Variants in CYP7B1 observed in about 807,000 individuals in gnomAD.
CYP7B1 encodes the protein cytochrome P450 family 7 subfamily B member 1, also known as cytochrome P450 7B1.
In CYP7B1, 29 loss-of-function variants were observed where a neutral mutation model predicts 42.7. The observed-to-expected ratio is 0.68, with a 90% confidence interval of 0.51 to 0.93. The LOEUF (loss-of-function observed/expected upper bound fraction) is 0.93, where lower values mean the gene tolerates loss of function less well. Ranked by LOEUF, CYP7B1 falls within the 40% of genes least tolerant of loss-of-function variation. CYP7B1 has a pLI of 0.00. For missense variants in CYP7B1, 655 were observed against 600.5 expected, an observed-to-expected ratio of 1.09 and a Z score of -0.95; for synonymous variants, 235 against 218.2, an observed-to-expected ratio of 1.08 and a Z score of -0.68.
intron 1 of CYP7B1, among the ~76,000 whole-genome samples, chr8:64,794,905 C>A (rs967066131): frequency 8.6e-5 from 13 of 152,032 alleles, no homozygotes; most frequent in Non-Finnish European, 1.9e-4. Context: ...AAAACAAAAT[C>A]CAAAATCCAG....
At chr8:64,723,376 C>G (rs766261881) in intron 1 of CYP7B1, among the ~76,000 whole-genome samples, 1 of 152,190 alleles carries the variant, frequency 6.6e-6, no homozygotes, top group Non-Finnish European at 1.5e-5. Context: ...AATAGATGTG[C>G]TATGCCACAA....
rs1805415134 is a variant in CYP7B1, at chr8:64,615,098, T to G, written c.985A>C (p.Thr329Pro). 3 of 1,613,658 alleles carry G rather than the reference T, an allele frequency of 1.9e-6. No homozygotes were observed. The highest frequency in any genetic ancestry group is 2.5e-6 in the Non-Finnish European group (3 of 1,179,804). The change falls in exon 4 of 6, where the codon ACA (threonine) becomes CCA (proline). Residue 329 changes from threonine (T) to proline (P), a missense_variant. Coordinates refer to ENST00000310193, the MANE Select transcript of CYP7B1 (RefSeq NM_004820.5). ...AATCCAGACCCTTTCTTTTGACCTGTTGACTGCAGCAAACGGTCAATTTCG... is the reference window on the plus strand; with the variant it reads ...AATCCAGACCCTTTCTTTTGACCTGGTGACTGCAGCAAACGGTCAATTTCG... ...RDEIDRLLQS[T>P]GQKKGSGFPI... is the part of the protein sequence containing the mutation.
intron 4 of CYP7B1, 127 bp downstream of exon 4, chr8:64,614,899 T>C (rs1384458292): frequency 4.9e-6 from 4 of 823,102 alleles, no homozygotes; most frequent in Non-Finnish European, 8.2e-6. Context: ...TTATAATTGA[T>C]GTAAATGGGT....
At chr8:64,678,659 C>T (rs1360852216) in intron 1 of CYP7B1, among the ~76,000 whole-genome samples, 1 of 152,126 alleles carries the variant, frequency 6.6e-6, no homozygotes, top group Admixed American at 6.5e-5. Context: ...TGGTCACATA[C>T]TGCTGCTGCT....
intron 1 of CYP7B1, among the ~76,000 whole-genome samples, chr8:64,678,104 C>T (rs183886851): frequency 5.4e-4 from 82 of 152,228 alleles, no homozygotes; most frequent in African/African-American, 1.5e-3. Context: ...GTACATCTTG[C>T]TTTTATTGTC....
intron 2 of CYP7B1, among the ~76,000 whole-genome samples, chr8:64,621,222 G>A (rs1052780876): frequency 1.1e-4 from 16 of 152,166 alleles, no homozygotes; most frequent in South Asian, 2.1e-4. Flanking sequence ...TCCAATATTC[G>A]TTGAGAATCA....
intron 1 of CYP7B1, among the ~76,000 whole-genome samples, chr8:64,715,504 C>G (rs1807141792): frequency 6.6e-6 from 1 of 152,172 alleles, no homozygotes; most frequent in Non-Finnish European, 1.5e-5. Flanking sequence ...CTTTATTCCT[C>G]CTTATAGATT....
intron 1 of CYP7B1, among the ~76,000 whole-genome samples, chr8:64,775,331 C>T (rs974757916): frequency 3.9e-5 from 6 of 152,180 alleles, no homozygotes; most frequent in African/African-American, 1.4e-4. Context: ...ACCACCTTAG[C>T]TCCAACTAAA....
chr8:64,763,944 C>T (rs1807928806), intron 1 of CYP7B1, among the ~76,000 whole-genome samples: 2 of 152,154 alleles, frequency 1.3e-5, no homozygotes, highest in South Asian at 2.1e-4. Flanking sequence ...TCCCTGCCTC[C>T]TAGGTACTAA....
chr8:64,608,764 G>A (rs1805323462), intron 4 of CYP7B1, among the ~76,000 whole-genome samples: 1 of 152,214 alleles, frequency 6.6e-6, no homozygotes, highest in Non-Finnish European at 1.5e-5. Flanking sequence ...CTTCAAGGCA[G>A]TTGAGAAGGT....
chr8:64,596,699 C>T lies in CYP7B1; in HGVS notation c.1464G>A (p.Leu488=), dbSNP rs114797034. 332 of 1,613,548 alleles carry T rather than the reference C, an allele frequency of 2.1e-4. 1 individual carries two copies. The African/African-American group carries it at 4.0e-3, about 19-fold the overall frequency. The part of the protein sequence containing the change: ...KPIGLNYSRL[L]FGIQYPDSDV... ...CAGAATCTGGATACTGAATACCAAA[C>T]AACAAGCGGCTGTAGTTTAGTCCTA... The change falls in exon 6 of 6, where the codon TTG becomes TTA. Residue 488 remains leucine (L), a synonymous_variant. Coordinates refer to ENST00000310193, the MANE Select transcript of CYP7B1 (RefSeq NM_004820.5).
At chr8:64,747,289 T>C (rs1383269589) in intron 1 of CYP7B1, among the ~76,000 whole-genome samples, 1 of 148,300 alleles carries the variant, frequency 6.7e-6, no homozygotes, top group Admixed American at 6.8e-5. Context: ...GAATATAATA[T>C]TAATATAATA....
At chr8:64,698,758 GC>G (rs1271013936) in intron 1 of CYP7B1, among the ~76,000 whole-genome samples, 10 of 152,106 alleles carry the variant, frequency 6.6e-5, no homozygotes, top group Non-Finnish European at 1.3e-4. Context: ...TCTGAAGACA[GC>G]ACAGGAAGTA....
chr8:64,765,352 C>G (rs1807956311), intron 1 of CYP7B1, among the ~76,000 whole-genome samples: 1 of 152,184 alleles, frequency 6.6e-6, no homozygotes, highest in Non-Finnish European at 1.5e-5. Context: ...TTAAAAATCT[C>G]TATCTCAATC....
intron 2 of CYP7B1, among the ~76,000 whole-genome samples, chr8:64,617,181 C>T (rs1332441438): frequency 6.6e-6 from 1 of 152,122 alleles, no homozygotes; most frequent in Non-Finnish European, 1.5e-5. Context: ...GTTGCCCAAA[C>T]TTATCAATTT....
At chr8:64,663,491 C>T (rs1232151661) in intron 1 of CYP7B1, among the ~76,000 whole-genome samples, 3 of 152,224 alleles carry the variant, frequency 2.0e-5, no homozygotes, top group Admixed American at 2.0e-4. Context: ...TATGGTTTGC[C>T]ATGATTCACT....
rs970798631 is a variant in CYP7B1 at position 64,649,145 on chromosome 8, C to T, written c.123-24606G>A. ...CTAAACCTTTTAATCGGTTCCCCTC[C>T]AGCTCTTTAAAACCACCTTCATGAA... On this transcript the variant is annotated intron_variant, in intron 1 of 5. Transcript: ENST00000310193. Among the ~76,000 whole-genome samples the T allele has an allele frequency of 5.3e-5, 8 of 152,184 alleles. No homozygotes were observed. In the East Asian group the frequency reaches 9.6e-4, roughly 18 times the overall value.
chr8:64,761,875 C>G (rs1807895973), intron 1 of CYP7B1, among the ~76,000 whole-genome samples: 1 of 152,144 alleles, frequency 6.6e-6, no homozygotes, highest in Non-Finnish European at 1.5e-5. Flanking sequence ...GTCCCATATT[C>G]TTAACAAGAC....
downstream of CYP7B1, chr8:64,587,891 C>T (rs890231699): frequency 9.2e-5 from 14 of 152,176 alleles, no homozygotes; most frequent in African/African-American, 3.1e-4. Context: ...AACCCCACTA[C>T]ATATATGATG....
Sources: gnomAD v4.1 joint callset for allele counts (sites outside exome capture counted in the v4.1 genomes callset) on GRCh38, gnomAD v4.1.1 for gene constraint, MANE v1.5 for transcripts, NCBI Gene and HGNC (gene_info 2026-07-23, HGNC 2026-07-21) for gene names.